Variants in PDE1B observed in about 807,000 individuals in gnomAD.
PDE1B encodes the protein phosphodiesterase 1B, also known as dual specificity calcium/calmodulin-dependent 3',5'-cyclic nucleotide phosphodiesterase 1B.
In PDE1B, 13 loss-of-function variants were observed where a neutral mutation model predicts 66.7. That is an observed-to-expected ratio of 0.19 (90% CI 0.13 to 0.31). The LOEUF (loss-of-function observed/expected upper bound fraction) is 0.31, where lower values mean the gene tolerates loss of function less well. Among genes scored for constraint, PDE1B ranks in the 10% least tolerant of loss-of-function variants. PDE1B has a pLI of 1.00. For missense variants in PDE1B, 485 were observed against 682.3 expected (o/e 0.71, Z 3.22); for synonymous variants, 230 against 253.9 (o/e 0.91, Z 0.90).
Position 54,566,758 on chromosome 12 carries a change from C to T in PDE1B, c.114-216C>T, listed in dbSNP as rs543853112. 2.6e-5 allele frequency among the ~76,000 whole-genome samples: 4 copies of T among 152,250 alleles called. No individual in the cohort carries two copies. In the East Asian group the frequency reaches 5.8e-4, roughly 22 times the overall value. On this transcript the variant is annotated intron_variant, in intron 2 of 15. Transcript: ENST00000243052. ...GGATGGTGGAGTCAGGAAAACCTGG[C>T]ATTAAACTTTGGGTGTAGATAAACT...
At chr12:54,564,475 TAAAA>T (rs987334047) in intron 2 of PDE1B, among the ~76,000 whole-genome samples, 1 of 150,206 alleles carries the variant, frequency 6.7e-6, no homozygotes, top group South Asian at 2.1e-4. Context: ...CTACAAAAAA[TAAAA>T]AAAAATTAGC....
rs778054287 is a variant in PDE1B at position 54,567,019 on chromosome 12, T to C, written c.159T>C (p.Ile53=). The change falls in exon 3 of 16, where the codon ATT becomes ATC. Residue 53 remains isoleucine, a synonymous_variant. Coordinates refer to ENST00000243052, the MANE Select transcript of PDE1B (RefSeq NM_000924.4). ...AGTTGGAGAATGGGGAGATAAACAT[T>C]GAGGAGCTGAAGAAAAATCTGGAGT... The part of the protein sequence containing the change: ...VKQLENGEIN[I]EELKKNLEYT... The C allele has an allele frequency of 1.2e-6, 2 of 1,612,566 alleles. No individual in the cohort carries two copies. The highest frequency in any genetic ancestry group is 2.2e-5 in the East Asian group (1 of 44,856).
chr12:54,550,526 T>C (rs556217593), intron 2 of PDE1B, among the ~76,000 whole-genome samples: 1 of 152,246 alleles, frequency 6.6e-6, no homozygotes, highest in African/African-American at 2.4e-5. Context: ...GGGTGGGGGT[T>C]ACCCCATGCC....
chr12:54,556,141 C>A (rs1005061921), intron 2 of PDE1B, among the ~76,000 whole-genome samples: 1 of 152,098 alleles, frequency 6.6e-6, no homozygotes, highest in East Asian at 1.9e-4. Flanking sequence ...TTCTCAGGTA[C>A]GGAAGTTGAG....
chr12:54,549,868 T>G lies in PDE1B; in HGVS notation c.-5T>G. On this transcript the variant is annotated 5_prime_UTR_variant, in exon 2 of 16. Transcript: ENST00000243052. ...CTCCTTCTGTTCCGTAGACCGTGGC[T>G]GAGCATGGAGCTGTCCCCCCGCAGT... 6.2e-7 allele frequency: 1 copy of G among 1,610,804 alleles called. No individual in the cohort carries two copies. Among genetic ancestry groups the G allele is most frequent in the Non-Finnish European group, 8.5e-7 (1 of 1,177,192 alleles).
At chr12:54,557,664 G>A (rs1957359219) in intron 2 of PDE1B, among the ~76,000 whole-genome samples, 1 of 152,214 alleles carries the variant, frequency 6.6e-6, no homozygotes, top group South Asian at 2.1e-4. Flanking sequence ...CTCTTGCTAA[G>A]CTTTTAATTT....
At chr12:54,553,947 T>C (rs559790068) in intron 2 of PDE1B, among the ~76,000 whole-genome samples, 87 of 152,304 alleles carry the variant, frequency 5.7e-4, no homozygotes, top group African/African-American at 2.0e-3. Flanking sequence ...CAGAGCTCCA[T>C]GAAGATGTGT....
In PDE1B at chr12:54,573,118, C is replaced by A. The variant is rs745566833; in HGVS notation, c.736-30C>A. On this transcript the variant is annotated intron_variant, in intron 7 of 15. Transcript: ENST00000243052. This position sits in a 1 kb window ranked among gnomAD's most constrained non-coding sequence, Gnocchi z 5.2. ...GGGAAGTGACCAGCAGGCGTCACCC[C>A]TCTCTCATTCTTTCTCTTTCCTCCT... 6.5e-6 allele frequency: 10 copies of A among 1,539,158 alleles called. No individual in the cohort carries two copies.
In PDE1B at chr12:54,549,628, C is replaced by A; in HGVS notation, c.-158C>A. ...CGCGCGGCGGCGGCGGCGGTAGCGG[C>A]AGCAGCAGCGGCGGTGCGGAGAGCT... On this transcript the variant is annotated 5_prime_UTR_variant, in exon 1 of 16. Coordinates refer to ENST00000243052, the MANE Select transcript of PDE1B (RefSeq NM_000924.4). 2.1e-6 allele frequency: 1 copy of A among 472,880 alleles called. No homozygotes were observed. The highest frequency in any genetic ancestry group is 2.1e-5 in the African/African-American group (1 of 48,734). The allele number at this position is 472,880 out of a possible 1,614,324, so 29.3% of individuals were successfully genotyped here. A position where few individuals can be genotyped will look rare whatever the true frequency, so the allele number is the denominator to read the frequency against.
intron 15 of PDE1B, 30 bp downstream of exon 15, chr12:54,577,375 G>A (rs1404330510): frequency 3.1e-6 from 5 of 1,611,240 alleles, no homozygotes; most frequent in Non-Finnish European, 3.4e-6. Flanking sequence ...GGGTGTAGGA[G>A]AGCTGGTGTC....
intron 2 of PDE1B, among the ~76,000 whole-genome samples, chr12:54,564,446 A>G (rs2121088973): frequency 6.6e-6 from 1 of 152,212 alleles, no homozygotes; most frequent in Admixed American, 6.5e-5. Context: ...AACCTGGGCA[A>G]CATAGCAGGA....
intron 2 of PDE1B, among the ~76,000 whole-genome samples, chr12:54,562,780 C>G (rs1015769585): frequency 6.6e-6 from 1 of 152,164 alleles, no homozygotes; most frequent in Non-Finnish European, 1.5e-5. Flanking sequence ...CTTTCAGCTG[C>G]TTGAGTCCAG....
chr12:54,561,478 C>A, intron 2 of PDE1B: 1 of 1,372,022 alleles, frequency 7.3e-7, no homozygotes, highest in Non-Finnish European at 9.5e-7. Context: ...TCTACTGGGA[C>A]CTGGAGGAGG....
At chr12:54,562,883 G>A (rs1182973191) in intron 2 of PDE1B, among the ~76,000 whole-genome samples, 1 of 152,090 alleles carries the variant, frequency 6.6e-6, no homozygotes, top group Non-Finnish European at 1.5e-5. Flanking sequence ...ATTGTGTTTG[G>A]TTCAGATTTC....
intron 6 of PDE1B, 156 bp from the exon 7 acceptor site, chr12:54,572,445 G>T: frequency 1.4e-6 from 1 of 699,818 alleles, no homozygotes; most frequent in Non-Finnish European, 2.6e-6. Flanking sequence ...GCCAGCAGGT[G>T]GTAGAGGCAG....
chr12:54,557,579 G>C (rs555419713), intron 2 of PDE1B, among the ~76,000 whole-genome samples: 1 of 152,292 alleles, frequency 6.6e-6, no homozygotes, highest in East Asian at 1.9e-4. Flanking sequence ...TAGTAAAATC[G>C]GGGCAGTGCT....
At chr12:54,576,152 GGA>G (rs144891023) in intron 13 of PDE1B, 52 bp downstream of exon 13, 13,417 of 1,101,606 alleles carry the variant, frequency 0.012, 107 homozygotes, top group Middle Eastern at 0.023. Flanking sequence ...GCAGTGGTAG[GGA>G]GGGATTTGGA....
At chr12:54,564,582 A>G (rs1957479636) in intron 2 of PDE1B, among the ~76,000 whole-genome samples, 1 of 152,120 alleles carries the variant, frequency 6.6e-6, no homozygotes, top group South Asian at 2.1e-4. Flanking sequence ...AGTTGTGCCA[A>G]TGCACTCCAG....
Position 54,575,590 on chromosome 12 carries a change from C to G in PDE1B, c.1225C>G (p.Leu409Val). The G allele has an allele frequency of 6.2e-7, 1 of 1,613,548 alleles. No homozygotes were observed. Residue 409 changes from leucine (L) to valine (V), a missense_variant, in exon 12 of 16, where the codon CTC becomes GTC. Coordinates refer to ENST00000243052, the MANE Select transcript of PDE1B (RefSeq NM_000924.4). The surrounding 1 kb of genome is among the most constrained non-coding windows in gnomAD (Gnocchi z 4.0). ...EAELGLPFSP[L>V]CDRTSTLVAQ... ...AGAGTTGGGCCTGCCCTTTTCTCCA[C>G]TCTGTGACCGCACTTCCACTCTAGT...
Sources: allele counts gnomAD v4.1 joint callset (sites outside exome capture counted in the v4.1 genomes callset), GRCh38; gene constraint gnomAD v4.1.1; non-coding constraint Gnocchi (gnomAD v3.1); transcripts MANE v1.5; gene names NCBI Gene and HGNC (gene_info 2026-07-23, HGNC 2026-07-21).